Variants in SNRPD3 observed in about 807,000 individuals in gnomAD.
The protein encoded by SNRPD3 is small nuclear ribonucleoprotein Sm D3.
For missense variants in SNRPD3, 73 were observed against 167.5 expected, an observed-to-expected ratio of 0.44 and a Z score of 3.11; for synonymous variants, 66 against 58.4, an observed-to-expected ratio of 1.13 and a Z score of -0.59.
chr22:24,561,651 G>A (rs919350098), intron 2 of SNRPD3, among the ~76,000 whole-genome samples: 1 of 152,128 alleles, frequency 6.6e-6, no homozygotes, highest in Non-Finnish European at 1.5e-5. Context: ...CTGCCTTTTG[G>A]GAATGAGAAC....
intron 2 of SNRPD3, among the ~76,000 whole-genome samples, chr22:24,560,090 ATTTTTTTT>A (rs71189257): frequency 1.1e-5 from 1 of 89,266 alleles, no homozygotes; most frequent in South Asian, 3.9e-4. Context: ...TTTATAAAGA[ATTTTTTTT>A]TTTTTTTTTT....
chr22:24,564,883 C>CTTTTTTTTT (rs371010665), intron 2 of SNRPD3, among the ~76,000 whole-genome samples: 1 of 127,166 alleles, frequency 7.9e-6, no homozygotes, highest in African/African-American at 2.8e-5. Flanking sequence ...TTGCCTTGTT[C>CTTTTTTTTT]ATTTTTTTTT....
chr22:24,560,090 A>ATTTTTTTTTTTTT lies in SNRPD3; in HGVS notation c.126+2297_126+2309dup, dbSNP rs71189257. On this transcript the variant is annotated intron_variant, in intron 2 of 3. Transcript: ENST00000215829. ...CTTAACATAATTATGTTTATAAAGA[A>ATTTTTTTTTTTTT]TTTTTTTTTTTTTTTTTTTGAGATG... Among the ~76,000 whole-genome samples the ATTTTTTTTTTTTT allele has an allele frequency of 2.4e-4, 21 of 89,274 alleles. 1 individual carries two copies. The highest frequency in any genetic ancestry group is 1.3e-3 in the East Asian group (4 of 3,114). The allele number at this position is 89,274 out of a possible 152,430, so 58.6% of individuals were successfully genotyped here. A position where few individuals can be genotyped will look rare whatever the true frequency, so the allele number is the denominator to read the frequency against.
intron 2 of SNRPD3, among the ~76,000 whole-genome samples, chr22:24,567,411 T>C (rs1377586082): frequency 6.6e-6 from 1 of 152,174 alleles, no homozygotes; most frequent in African/African-American, 2.4e-5. Context: ...ATTCCAGCTG[T>C]TTGACCTGGG....
rs868845080 is a variant in SNRPD3 at position 24,572,924 on chromosome 22, G to A, written c.*947G>A. On this transcript the variant is annotated 3_prime_UTR_variant, in exon 4 of 4. Coordinates refer to ENST00000215829, the MANE Select transcript of SNRPD3 (RefSeq NM_004175.5). ...ATCCATAGTTGTTAATGTAGGAAGG[G>A]TGACCAGCAGCTCAGCACAGTGGCT... Among the ~76,000 whole-genome samples, 4 of 152,196 alleles carry A rather than the reference G, an allele frequency of 2.6e-5. No individual in the cohort carries two copies. The highest frequency in any genetic ancestry group is 9.7e-5 in the African/African-American group (4 of 41,450).
chr22:24,555,663 C>G (rs1471538775), upstream of SNRPD3: 1 of 1,550,666 alleles, frequency 6.4e-7, no homozygotes, highest in African/African-American at 1.4e-5. Context: ...AAGTCCTGGC[C>G]CTTGGCCCAA....
At chr22:24,556,975 A>G (rs749301537) in intron 1 of SNRPD3, among the ~76,000 whole-genome samples, 1 of 152,184 alleles carries the variant, frequency 6.6e-6, no homozygotes, top group African/African-American at 2.4e-5. Context: ...ATATTTTCTC[A>G]ATATCCTTGA....
intron 1 of SNRPD3, 134 bp from the exon 2 acceptor site, chr22:24,557,523 T>TG: frequency 1.6e-6 from 1 of 620,500 alleles, no homozygotes; most frequent in Non-Finnish European, 2.8e-6. Flanking sequence ...TTTTTTTTTT[T>TG]CCTTGGTAGA....
In SNRPD3 at chr22:24,572,761, A is replaced by C. The variant is rs2147133761; in HGVS notation, c.*784A>C. 6.9e-6 allele frequency: 1 copy of C among 144,548 alleles called. No homozygotes were observed. Among genetic ancestry groups the C allele is most frequent in the East Asian group, 2.0e-4 (1 of 4,966 alleles). The allele number at this position is 144,548 out of a possible 1,614,324, so 9.0% of individuals were successfully genotyped here. On this transcript the variant is annotated 3_prime_UTR_variant, in exon 4 of 4. Transcript: ENST00000215829. ...GGGTGACAGAGCGAGACTGCACCTCAAAAAAAAAAAAGTAATTCAGGGGAT... is the reference window on the plus strand; with the variant it reads ...GGGTGACAGAGCGAGACTGCACCTCCAAAAAAAAAAAGTAATTCAGGGGAT...
chr22:24,564,753 G>A (rs996678517), intron 2 of SNRPD3, among the ~76,000 whole-genome samples: 4 of 152,162 alleles, frequency 2.6e-5, no homozygotes, highest in Non-Finnish European at 4.4e-5. Flanking sequence ...CCCCTGTGCT[G>A]GAGGGAGTGT....
At chr22:24,570,406 C>T (rs745986404) in intron 3 of SNRPD3, among the ~76,000 whole-genome samples, 4 of 152,160 alleles carry the variant, frequency 2.6e-5, no homozygotes, top group Non-Finnish European at 4.4e-5. Flanking sequence ...TGTGAGGGGC[C>T]GGGCGCAGTG....
intron 2 of SNRPD3, among the ~76,000 whole-genome samples, chr22:24,565,385 G>T (rs1337505995): frequency 6.6e-6 from 1 of 152,162 alleles, no homozygotes; most frequent in Non-Finnish European, 1.5e-5. Context: ...GTAGGATTTT[G>T]TGGGGTAACA....
rs1164120857 is a variant in SNRPD3 at position 24,561,064 on chromosome 22, C to CTTTTTTTTTTTTTTTTTTTTTTTTTTTT, written c.126+3289_126+3290insTTTTTTTTTTTTTTTTTTTTTTTTTTTT. On this transcript the variant is annotated intron_variant, in intron 2 of 3. Transcript: ENST00000215829. ...TTTTTTTTCTTTTCCTTTTTCTTTT[C>CTTTTTTTTTTTTTTTTTTTTTTTTTTTT]TTTTTTTTTTTTTTTTTTTTTTTTT... 6.6e-4 allele frequency among the ~76,000 whole-genome samples: 41 copies of CTTTTTTTTTTTTTTTTTTTTTTTTTTTT among 61,682 alleles called. 1 individual carries two copies. Among genetic ancestry groups the CTTTTTTTTTTTTTTTTTTTTTTTTTTTT allele is most frequent in the African/African-American group, 1.6e-3 (21 of 13,072 alleles). 40.5% of individuals were successfully genotyped at this position (61,682 alleles called of 152,430 possible). A position where few individuals can be genotyped will look rare whatever the true frequency, so the allele number is the denominator to read the frequency against.
At chr22:24,556,376 G>GT (rs11322582) in intron 1 of SNRPD3, among the ~76,000 whole-genome samples, 17 of 130,352 alleles carry the variant, frequency 1.3e-4, no homozygotes, top group South Asian at 5.0e-4. Flanking sequence ...GTTTTTTTTT[G>GT]TTTTTTTTTT....
At chr22:24,562,583 G>T (rs2045154022) in intron 2 of SNRPD3, among the ~76,000 whole-genome samples, 1 of 152,000 alleles carries the variant, frequency 6.6e-6, no homozygotes, top group South Asian at 2.1e-4. Flanking sequence ...GATGGCTTAT[G>T]CCTGTAGTCC....
At chr22:24,558,746 A>G (rs1471215299) in intron 2 of SNRPD3, among the ~76,000 whole-genome samples, 1 of 152,220 alleles carries the variant, frequency 6.6e-6, no homozygotes. Flanking sequence ...ACTACAGCGT[A>G]GTTTTGAGGA....
In SNRPD3 at chr22:24,574,392, C is replaced by T. The variant is rs1217672556; in HGVS notation, c.*2415C>T. On this transcript the variant is annotated 3_prime_UTR_variant, in exon 4 of 4. Coordinates refer to ENST00000215829, the MANE Select transcript of SNRPD3 (RefSeq NM_004175.5). ...GACGCAGATTGAAAACAAGTTGTTC[C>T]ATAAGGTTTATTATGAAAAACAGTA... Among the ~76,000 whole-genome samples, 1 of 152,158 alleles carries T rather than the reference C, an allele frequency of 6.6e-6. No homozygotes were observed. The highest frequency in any genetic ancestry group is 2.4e-5 in the African/African-American group (1 of 41,434).
At chr22:24,560,279 G>A (rs2045121561) in intron 2 of SNRPD3, among the ~76,000 whole-genome samples, 1 of 150,100 alleles carries the variant, frequency 6.7e-6, no homozygotes, top group African/African-American at 2.5e-5. Flanking sequence ...ACCATGCCCA[G>A]CTAATTTTTG....
chr22:24,563,312 T>G (rs1357886511), intron 2 of SNRPD3, among the ~76,000 whole-genome samples: 1 of 151,566 alleles, frequency 6.6e-6, no homozygotes, highest in Non-Finnish European at 1.5e-5. Context: ...ATATATTTTT[T>G]TTTTTAAAGG....
Sources: allele counts gnomAD v4.1 joint callset (sites outside exome capture counted in the v4.1 genomes callset), GRCh38; gene constraint gnomAD v4.1.1; transcripts MANE v1.5; gene names NCBI Gene and HGNC (gene_info 2026-07-23, HGNC 2026-07-21).